Variants in PDE10A observed in about 807,000 individuals in gnomAD.
PDE10A encodes the protein cAMP and cAMP-inhibited cGMP 3',5'-cyclic phosphodiesterase 10A.
In PDE10A, 39 loss-of-function variants were observed where a neutral mutation model predicts 97.7. That is an observed-to-expected ratio of 0.40 (90% CI 0.31 to 0.52). The LOEUF is 0.52. Among genes scored for constraint, PDE10A ranks in the 20% least tolerant of loss-of-function variants. The pLI is 0.56. For synonymous variants in PDE10A, 371 were observed against 376.8 expected (o/e 0.98, Z 0.18); for missense variants, 731 against 1,047.8 (o/e 0.70, Z 4.17).
At chr6:165,945,406 A>G (rs1192331495) in intron 1 of PDE10A, among the ~76,000 whole-genome samples, 1 of 152,250 alleles carries the variant, frequency 6.6e-6, no homozygotes, top group Admixed American at 6.5e-5. Context: ...GTTTAAGCCA[A>G]TAAATTTTGG....
intron 1 of PDE10A, among the ~76,000 whole-genome samples, chr6:165,943,234 A>AGAAG (rs1192602938): frequency 0.023 from 769 of 33,964 alleles, 59 homozygotes; most frequent in Admixed American, 0.034. Flanking sequence ...AAAGAAAGAA[A>AGAAG]GAAGGAAGGA....
chr6:165,815,548 A>G (rs1425869905), intron 1 of PDE10A, among the ~76,000 whole-genome samples: 1 of 152,192 alleles, frequency 6.6e-6, no homozygotes, highest in Non-Finnish European at 1.5e-5. Context: ...ATGTTGTGAA[A>G]GGATTCAGCT....
chr6:165,437,854 AAAC>A (rs1357339649), intron 5 of PDE10A, among the ~76,000 whole-genome samples: 1 of 152,188 alleles, frequency 6.6e-6, no homozygotes, highest in East Asian at 1.9e-4. Context: ...GTTTGCCTCC[AAAC>A]AATTTACCTG....
At chr6:165,458,410 C>T (rs768972730) in intron 3 of PDE10A, among the ~76,000 whole-genome samples, 48 of 152,074 alleles carry the variant, frequency 3.2e-4, no homozygotes, top group South Asian at 6.2e-4. Flanking sequence ...TGTGAGGACA[C>T]GGCAAGAAGA....
intron 1 of PDE10A, among the ~76,000 whole-genome samples, chr6:165,882,761 GAAA>G (rs59205560): frequency 2.2e-5 from 3 of 138,870 alleles, no homozygotes; most frequent in African/African-American, 5.3e-5. Flanking sequence ...AGATCACTCA[GAAA>G]AAAAAAAAAA....
At chr6:165,951,132 T>C (rs1180594083) in intron 1 of PDE10A, among the ~76,000 whole-genome samples, 2 of 152,204 alleles carry the variant, frequency 1.3e-5, no homozygotes, top group African/African-American at 4.8e-5. Flanking sequence ...TTTAGGGATG[T>C]CAGCTGGGGA....
chr6:165,705,415 G>A (rs1791682824), intron 1 of PDE10A, among the ~76,000 whole-genome samples: 1 of 152,206 alleles, frequency 6.6e-6, no homozygotes, highest in African/African-American at 2.4e-5. Flanking sequence ...AGGAGTTCTT[G>A]TACAGTTTTC....
chr6:165,525,084 C>T (rs1163436320), intron 2 of PDE10A, among the ~76,000 whole-genome samples: 1 of 152,034 alleles, frequency 6.6e-6, no homozygotes, highest in Non-Finnish European at 1.5e-5. Flanking sequence ...AGGAGCCACC[C>T]CCAATACTCC....
intron 1 of PDE10A, among the ~76,000 whole-genome samples, chr6:165,550,900 G>C (rs1783982030): frequency 6.6e-6 from 1 of 152,096 alleles, no homozygotes; most frequent in African/African-American, 2.4e-5. Flanking sequence ...AGCACCAAGA[G>C]ATAAGTATAT....
intron 2 of PDE10A, among the ~76,000 whole-genome samples, chr6:165,504,302 TA>T (rs1467767110): frequency 6.6e-6 from 1 of 152,138 alleles, no homozygotes; most frequent in Non-Finnish European, 1.5e-5. Context: ...ATTAAAACTA[TA>T]AAAAATACTA....
At chr6:165,366,162 T>C (rs906817426) in intron 18 of PDE10A, among the ~76,000 whole-genome samples, 1 of 152,158 alleles carries the variant, frequency 6.6e-6, no homozygotes, top group Admixed American at 6.5e-5. Context: ...CATCAAATAC[T>C]ACCTTAAAAA....
chr6:165,841,301 C>A lies in PDE10A; in HGVS notation c.-615+146228G>T, dbSNP rs73033969. Among the ~76,000 whole-genome samples the A allele has an allele frequency of 2.6e-3, 398 of 152,360 alleles. 4 individuals are homozygous for A. Among genetic ancestry groups the A allele is most frequent in the Non-Finnish European group, 4.5e-3 (304 of 68,046 alleles). On this transcript the variant is annotated intron_variant, in intron 1 of 19. Transcript: ENST00000366882. ...CTCCTGCTGGGTACCCACTTCGCCA[C>A]ACCAAAGTTTATGGACCCATTGTTC...
At chr6:165,860,314 A>G (rs1213135858) in intron 1 of PDE10A, among the ~76,000 whole-genome samples, 1 of 152,116 alleles carries the variant, frequency 6.6e-6, no homozygotes, top group Admixed American at 6.5e-5. Flanking sequence ...TTAGCCAGGC[A>G]TGGTGGCATA....
At chr6:165,555,712 T>C (rs1784218153) in intron 1 of PDE10A, among the ~76,000 whole-genome samples, 2 of 152,168 alleles carry the variant, frequency 1.3e-5, no homozygotes, top group South Asian at 4.1e-4. Context: ...AGAAATTGTC[T>C]AGCTAGCCAT....
At chr6:165,397,981 T>C (rs1412004339) in intron 13 of PDE10A, among the ~76,000 whole-genome samples, 2 of 152,182 alleles carry the variant, frequency 1.3e-5, no homozygotes, top group African/African-American at 4.8e-5. Context: ...TAAGTGGGTA[T>C]ATTTTTAAAT....
chr6:165,396,508 A>AATTCTTTTAATTT (rs1786174032), intron 13 of PDE10A, 49 bp from the exon 14 acceptor site: 1 of 1,550,420 alleles, frequency 6.4e-7, no homozygotes, highest in Non-Finnish European at 8.7e-7. Flanking sequence ...AAGAATATTT[A>AATTCTTTTAATTT]AACTGTTTTG....
At chr6:165,451,961 A>G (rs1366180913) in intron 3 of PDE10A, among the ~76,000 whole-genome samples, 3 of 152,164 alleles carry the variant, frequency 2.0e-5, no homozygotes, top group Admixed American at 6.5e-5. Flanking sequence ...TGAAGTTGAA[A>G]CCTCAGAACT....
intron 1 of PDE10A, among the ~76,000 whole-genome samples, chr6:165,708,171 G>A (rs368704805): frequency 6.6e-6 from 1 of 152,142 alleles, no homozygotes; most frequent in African/African-American, 2.4e-5. Flanking sequence ...AGGCACCTCC[G>A]GCGGCCACAC....
chr6:165,527,111 C>G (rs1287520076), intron 2 of PDE10A, among the ~76,000 whole-genome samples: 1 of 152,174 alleles, frequency 6.6e-6, no homozygotes, highest in Non-Finnish European at 1.5e-5. Flanking sequence ...TTCTAGGGGT[C>G]CAGTGGTCTG....
Sources: gnomAD v4.1 joint callset for allele counts (sites outside exome capture counted in the v4.1 genomes callset) on GRCh38, gnomAD v4.1.1 for gene constraint, MANE v1.5 for transcripts, NCBI Gene and HGNC (gene_info 2026-07-23, HGNC 2026-07-21) for gene names.